Variants in P3H2 observed in about 807,000 individuals in gnomAD.
P3H2 encodes the protein leprecan-like 1.
In P3H2, 80 loss-of-function variants were observed where a neutral mutation model predicts 87.0. That is an observed-to-expected ratio of 0.92 (90% CI 0.77 to 1.11). The LOEUF is 1.11. Ranked by LOEUF, P3H2 falls within the 50% of genes least tolerant of loss-of-function variation. The pLI, the probability that P3H2 is intolerant of heterozygous loss-of-function variation, is 0.00. For missense variants in P3H2, 1,001 were observed against 923.9 expected (o/e 1.08, Z -1.08); for synonymous variants, 367 against 359.3 (o/e 1.02, Z -0.24).
chr3:189,964,718 T>C (rs898504460), intron 13 of P3H2, among the ~76,000 whole-genome samples: 1 of 152,260 alleles, frequency 6.6e-6, no homozygotes, highest in African/African-American at 2.4e-5. Flanking sequence ...TCTCTAGTGG[T>C]GAGAACACGA....
Position 189,973,507 on chromosome 3 carries a change from CTTTCTTTTTTTT to C in P3H2, c.1548+390_1548+401del, listed in dbSNP as rs1185565362. 7.9e-3 allele frequency among the ~76,000 whole-genome samples: 623 copies of C among 78,954 alleles called. 4 individuals are homozygous for C. Among genetic ancestry groups the C allele is most frequent in the African/African-American group, 0.022 (460 of 21,300 alleles). 51.8% of individuals were successfully genotyped at this position (78,954 alleles called of 152,430 possible). ...TCAAAACTTTTTTCTTTCTTTCTTT[CTTTCTTTTTTTT>C]TTTTTTTTTTTTTTTTTTTAAGACG... On this transcript the variant is annotated intron_variant, in intron 10 of 14. Transcript: ENST00000319332.
intron 1 of P3H2, among the ~76,000 whole-genome samples, chr3:190,001,552 AT>A (rs1479801136): frequency 1.3e-5 from 2 of 152,096 alleles, no homozygotes; most frequent in African/African-American, 4.8e-5. Context: ...AACTTTAGAG[AT>A]TTTTAACTCC....
chr3:190,096,910 T>C (rs1024548794), intron 1 of P3H2, among the ~76,000 whole-genome samples: 2 of 152,192 alleles, frequency 1.3e-5, no homozygotes, highest in Non-Finnish European at 2.9e-5. Flanking sequence ...ATGAGAGCCT[T>C]GAAAGAGAAA....
intron 1 of P3H2, among the ~76,000 whole-genome samples, chr3:190,001,617 C>T (rs944171034): frequency 2.0e-5 from 3 of 152,126 alleles, no homozygotes; most frequent in African/African-American, 4.8e-5. Context: ...TAAGCCACAG[C>T]GCAAGTTCTA....
At chr3:190,007,528 CAA>C (rs1215665168) in intron 1 of P3H2, among the ~76,000 whole-genome samples, 3 of 151,990 alleles carry the variant, frequency 2.0e-5, no homozygotes, top group Non-Finnish European at 2.9e-5. Flanking sequence ...AAATATCGAG[CAA>C]AGTCTTCACT....
intron 13 of P3H2, 123 bp downstream of exon 13, chr3:189,970,693 T>C: frequency 2.9e-6 from 2 of 689,924 alleles, no homozygotes; most frequent in Admixed American, 4.4e-5. Flanking sequence ...ACTGAAACTC[T>C]CTTAACCTCT....
In P3H2 at chr3:189,994,269, T is replaced by C; in HGVS notation, c.648A>G (p.Ala216=). The change falls in exon 3 of 15, where the codon GCA becomes GCG. Residue 216 remains alanine, a synonymous_variant. Coordinates refer to ENST00000319332, the MANE Select transcript of P3H2 (RefSeq NM_018192.4). Reference sequence around the variant, plus strand: ...CATCAGCCTCATAATGTTTAACTCCTGCATTGTAACTCTCCTGTAATGAAA... The same window carrying C: ...CATCAGCCTCATAATGTTTAACTCCCGCATTGTAACTCTCCTGTAATGAAA... ...EAKPHMESYN[A]GVKHYEADDF... The C allele has an allele frequency of 6.2e-7, 1 of 1,611,600 alleles. No individual in the cohort carries two copies. The highest frequency in any genetic ancestry group is 8.5e-7 in the Non-Finnish European group (1 of 1,178,120).
intron 10 of P3H2, 22 bp downstream of exon 10, chr3:189,973,887 C>T: frequency 6.3e-7 from 1 of 1,585,014 alleles, no homozygotes; most frequent in Non-Finnish European, 8.7e-7. Flanking sequence ...GAACTCAAAC[C>T]CAAAAGAAGT....
At chr3:190,119,825 G>C (rs1712461018) in intron 1 of P3H2, among the ~76,000 whole-genome samples, 1 of 143,676 alleles carries the variant, frequency 7.0e-6, no homozygotes, top group Admixed American at 7.0e-5. Flanking sequence ...GCAGACTACA[G>C]TATAGGAAGG....
At chr3:190,042,333 G>C (rs923079359) in intron 1 of P3H2, among the ~76,000 whole-genome samples, 19 of 152,082 alleles carry the variant, frequency 1.2e-4, no homozygotes, top group African/African-American at 3.6e-4. Context: ...TATGGTATTA[G>C]GAATCTGAGG....
In P3H2 at chr3:190,099,627, C is replaced by G. The variant is rs58792070; in HGVS notation, c.480+20625G>C. Among the ~76,000 whole-genome samples the G allele has an allele frequency of 4.9e-3, 741 of 152,204 alleles. 6 individuals are homozygous for G. Among genetic ancestry groups the G allele is most frequent in the African/African-American group, 0.017 (723 of 41,534 alleles). The stretch of plus-strand genomic sequence containing the variant: ...AAATAAAGAATGATACAGAACTGAC[C>G]TTTTTTGTGCAGCAAAAAAGCACAT... On this transcript the variant is annotated intron_variant, in intron 1 of 14. Coordinates refer to ENST00000319332, the MANE Select transcript of P3H2 (RefSeq NM_018192.4).
chr3:190,048,550 G>A lies in P3H2; in HGVS notation c.481-53108C>T, dbSNP rs552127589. On this transcript the variant is annotated intron_variant, in intron 1 of 14. Transcript: ENST00000319332. ...TAGATTTTGCTTTATTTTACTAGAT[G>A]ATTTTTGTACCTGGTAGGCTATTGA... Among the ~76,000 whole-genome samples, 8 of 152,300 alleles carry A rather than the reference G, an allele frequency of 5.3e-5. No homozygotes were observed. The East Asian group carries it at 1.5e-3, about 29-fold the overall frequency.
intron 4 of P3H2, among the ~76,000 whole-genome samples, chr3:189,987,999 G>A (rs1045575521): frequency 2.0e-5 from 3 of 152,114 alleles, no homozygotes; most frequent in South Asian, 2.1e-4. Flanking sequence ...TTTTTGTACC[G>A]AGTTTGGGTT....
chr3:190,053,323 G>C (rs1001000655), intron 1 of P3H2, among the ~76,000 whole-genome samples: 2 of 151,832 alleles, frequency 1.3e-5, no homozygotes, highest in Non-Finnish European at 2.9e-5. Context: ...TGTAAAATTG[G>C]ATTTTCTTAT....
chr3:190,006,824 G>C (rs544663547), intron 1 of P3H2, among the ~76,000 whole-genome samples: 1 of 152,278 alleles, frequency 6.6e-6, no homozygotes, highest in Admixed American at 6.5e-5. Context: ...TAGTGTTTTG[G>C]ATAACGTGGC....
intron 3 of P3H2, among the ~76,000 whole-genome samples, chr3:189,990,605 ATT>A (rs1233072021): frequency 6.6e-6 from 1 of 152,202 alleles, no homozygotes; most frequent in East Asian, 1.9e-4. Context: ...TTCAGCAGCC[ATT>A]TGTATTTTTC....
At chr3:190,120,127 G>A in intron 1 of P3H2, 125 bp downstream of exon 1, 3 of 1,099,590 alleles carry the variant, frequency 2.7e-6, no homozygotes, top group Non-Finnish European at 4.0e-6. Context: ...TTCACAAACT[G>A]AGACACATAT....
At chr3:190,049,582 T>C (rs545664562) in intron 1 of P3H2, among the ~76,000 whole-genome samples, 2 of 152,354 alleles carry the variant, frequency 1.3e-5, no homozygotes, top group Non-Finnish European at 2.9e-5. Context: ...GTTGAGATTC[T>C]TAAAGGAGTA....
At chr3:190,092,283 G>A (rs981850721) in intron 1 of P3H2, among the ~76,000 whole-genome samples, 20 of 151,224 alleles carry the variant, frequency 1.3e-4, no homozygotes, top group Admixed American at 1.3e-3. Flanking sequence ...TCTATCAAAG[G>A]AGAAATACTT....
Sources: gnomAD v4.1 joint callset for allele counts (sites outside exome capture counted in the v4.1 genomes callset) on GRCh38, gnomAD v4.1.1 for gene constraint, MANE v1.5 for transcripts, NCBI Gene and HGNC (gene_info 2026-07-23, HGNC 2026-07-21) for gene names.